The following MIDEAS variants were observed in gnomAD, a reference collection of about 807,000 sequenced individuals.
MIDEAS encodes mitotic deacetylase-associated SANT domain protein.
A neutral mutation model predicts 102.7 loss-of-function variants in MIDEAS; 26 were observed. The ratio of observed to expected loss-of-function variants is 0.25; its 90% CI spans 0.19 to 0.35. The LOEUF (loss-of-function observed/expected upper bound fraction) is 0.35. MIDEAS is among the 10% of genes least tolerant of loss of function. MIDEAS has a pLI of 1.00. For synonymous variants in MIDEAS, 585 were observed against 591.0 expected (o/e 0.99, Z 0.15); for missense variants, 1,231 against 1,435.6 (o/e 0.86, Z 2.30).
rs2053258874 is a variant in MIDEAS, at chr14:73,739,744, A to G, written c.265T>C (p.Ser89Pro). The G allele has an allele frequency of 6.2e-7, 1 of 1,613,694 alleles. No homozygotes were observed. The highest frequency in any genetic ancestry group is 2.2e-5 in the East Asian group (1 of 44,898). Residue 89 changes from serine (S) to proline (P), a missense_variant, in exon 2 of 13, where the codon TCC (serine) becomes CCC (proline). Physicochemically the swap from Ser to Pro is moderately conservative, Grantham distance 74. Around this residue, in one of 5 missense-constraint regions of MIDEAS, gnomAD observed 758 missense variants for 856.0 expected, o/e 0.89. Coordinates refer to ENST00000423556, the MANE Select transcript of MIDEAS (RefSeq NM_001367710.1). ...GPERTSAAMLSQQVASVKWPN... is the reference protein window; with the variant it reads ...GPERTSAAMLPQQVASVKWPN... The stretch of plus-strand genomic sequence containing the variant: ...CACTTTACTGAGGCCACCTGCTGGG[A>G]CAGCATGGCTGCTGAGGTCCGCTCA...
At position 73,719,500 on chromosome 14, in the gene MIDEAS, G is replaced by A. The variant is rs1187853210; in HGVS notation, c.2939C>T (p.Ala980Val). ...GCTCCGGAGGATGAGGATGTCACTG[G>A]CCTGAAGAAAATCAAACAAGGAGAG... ...ATQTLQANESASDILILRSHE... is the reference protein window; with the variant it reads ...ATQTLQANESVSDILILRSHE... The change falls in exon 12 of 13, where the codon GCC becomes GTC. Residue 980 changes from alanine (A) to valine (V), a missense_variant and splice_region_variant. By Grantham distance (64) the Ala-to-Val change is moderately conservative (BLOSUM62 0). Transcript: ENST00000423556. 5 of 1,612,992 alleles carry A rather than the reference G, an allele frequency of 3.1e-6. No individual in the cohort carries two copies. Among genetic ancestry groups the A allele is most frequent in the African/African-American group, 1.3e-5 (1 of 74,886 alleles).
At position 73,759,344 on chromosome 14, in the gene MIDEAS, C is replaced by T. The variant is rs1434523451; in HGVS notation, c.-248+419G>A. On this transcript the variant is annotated intron_variant, in intron 1 of 12. Transcript: ENST00000423556. This position sits in a 1 kb window ranked among gnomAD's most constrained non-coding sequence, Gnocchi z 6.7. ...CGTCACGTCAGCCGGTCCCCACGGA[C>T]ACCACGTTTCTCTCCAGCGGAGGAG... Among the ~76,000 whole-genome samples, 1 of 152,048 alleles carries T rather than the reference C, an allele frequency of 6.6e-6. No homozygotes were observed. Among genetic ancestry groups the T allele is most frequent in the Non-Finnish European group, 1.5e-5 (1 of 67,966 alleles).
chr14:73,734,931 A>C (rs556457846), intron 3 of MIDEAS, among the ~76,000 whole-genome samples: 1 of 152,350 alleles, frequency 6.6e-6, no homozygotes, highest in African/African-American at 2.4e-5. Flanking sequence ...TAACAAATCA[A>C]ATCAATCCAA....
intron 1 of MIDEAS, among the ~76,000 whole-genome samples, chr14:73,750,063 A>C (rs1388121444): frequency 6.6e-6 from 1 of 152,220 alleles, no homozygotes; most frequent in East Asian, 1.9e-4. Context: ...TTCCATGGCC[A>C]ATCTACAAAA....
chr14:73,760,798 C>T (rs2053547946), upstream of MIDEAS, among the ~76,000 whole-genome samples: 4 of 152,188 alleles, frequency 2.6e-5, no homozygotes, highest in South Asian at 6.2e-4. This position sits in a 1 kb window ranked among gnomAD's most constrained non-coding sequence, Gnocchi z 4.8. Context: ...ATCTCCATCG[C>T]TTAGGTGAGG....
intron 3 of MIDEAS, among the ~76,000 whole-genome samples, chr14:73,735,937 A>G (rs1488946948): frequency 6.6e-6 from 1 of 152,158 alleles, no homozygotes; most frequent in African/African-American, 2.4e-5. Context: ...CGGGCAGGTC[A>G]CTTGAGGTCA....
chr14:73,756,004 C>A (rs2053474747), intron 1 of MIDEAS, among the ~76,000 whole-genome samples: 1 of 152,116 alleles, frequency 6.6e-6, no homozygotes, highest in Admixed American at 6.5e-5. Context: ...AACTGAGGCC[C>A]AAGAAGTTAA....
rs1237143093 is a variant in MIDEAS, at chr14:73,715,464, TAC to T, written c.*3377_*3378del. The T allele has an allele frequency of 1.3e-5, 2 of 152,568 alleles. No homozygotes were observed. Among genetic ancestry groups the T allele is most frequent in the Non-Finnish European group, 2.9e-5 (2 of 68,020 alleles). 9.5% of individuals were successfully genotyped at this position (152,568 alleles called of 1,614,324 possible). ...GCTATTAAAATATCTGTACAATAAT[TAC>T]AGACTGTCAAGGCTGTTCCTGTGCT... On this transcript the variant is annotated 3_prime_UTR_variant, in exon 13 of 13. Transcript: ENST00000423556.
intron 1 of MIDEAS, among the ~76,000 whole-genome samples, chr14:73,743,247 C>G (rs1209733381): frequency 2.0e-5 from 3 of 152,200 alleles, no homozygotes; most frequent in African/African-American, 7.2e-5. Context: ...TTCTCATTGG[C>G]ACTGGGAAGC....
intron 3 of MIDEAS, among the ~76,000 whole-genome samples, chr14:73,731,169 T>C (rs145009746): frequency 5.3e-5 from 8 of 152,322 alleles, no homozygotes; most frequent in African/African-American, 9.6e-5. Context: ...CTTCCCTTGC[T>C]CGATTCCTAT....
chr14:73,723,625 T>C (rs959188212), intron 9 of MIDEAS: 1 of 152,254 alleles, frequency 6.6e-6, no homozygotes, highest in Admixed American at 6.5e-5. Flanking sequence ...TGTATATGTG[T>C]GTGTCTATGT....
chr14:73,729,873 G>A lies in MIDEAS; in HGVS notation c.1862C>T (p.Pro621Leu). ...TGGGGTGATGTTGGAGTAGACGGGA[G>A]GGGCGATGAAAGTGCCCGCCTTGGT... is the stretch of plus-strand genomic sequence containing the variant. ...IPTKAGTFIA[P>L]PVYSNITPYQ... The change falls in exon 4 of 13, where the codon CCT becomes CTT. Residue 621 changes from proline (P) to leucine (L), a missense_variant. Physicochemically the swap from Pro to Leu is moderately conservative, Grantham distance 98. This residue lies in a region of MIDEAS where 758 missense variants were observed against 856.0 expected (regional missense o/e 0.89). Transcript: ENST00000423556. The A allele has an allele frequency of 6.2e-7, 1 of 1,613,810 alleles. No homozygotes were observed. Among genetic ancestry groups the A allele is most frequent in the South Asian group, 1.1e-5 (1 of 91,078 alleles).
In MIDEAS at chr14:73,739,484, C is replaced by G; in HGVS notation, c.525G>C (p.Leu175=). ...GCATCATTGGTCGCACATAGCGGTC[C>G]AGCTGTGGGCCCCCCGCTTTCTCCC... ...LKREKAGGPQ[L]DRYVRPMMPQ... is the part of the protein sequence containing the mutation. The change falls in exon 2 of 13, where the codon CTG becomes CTC. Residue 175 remains leucine, a synonymous_variant. Coordinates refer to ENST00000423556, the MANE Select transcript of MIDEAS (RefSeq NM_001367710.1). 1 of 1,611,074 alleles carries G rather than the reference C, an allele frequency of 6.2e-7. No homozygotes were observed. The highest frequency in any genetic ancestry group is 8.5e-7 in the Non-Finnish European group (1 of 1,178,294).
At chr14:73,740,457 C>A (rs1250480029) in intron 1 of MIDEAS, among the ~76,000 whole-genome samples, 1 of 152,196 alleles carries the variant, frequency 6.6e-6, no homozygotes, top group Non-Finnish European at 1.5e-5. Context: ...GGAGAATCAG[C>A]TGCATCTCCC....
In MIDEAS at chr14:73,722,800, G is replaced by A. The variant is rs920233451; in HGVS notation, c.2622C>T (p.Tyr874=). 8.1e-6 allele frequency: 13 copies of A among 1,614,062 alleles called. No homozygotes were observed. The highest frequency in any genetic ancestry group is 1.0e-5 in the Non-Finnish European group (12 of 1,180,036). The stretch of plus-strand genomic sequence containing the variant: ...TGCGGCCGATTTTCACCTGCTTCTT[G>A]TAGGTGTAGTAGAACTCCACGCACT... ...VAQCVEFYYT[Y]KKQVKIGRNG... Residue 874 remains tyrosine (Y), a synonymous_variant, in exon 10 of 13, where the codon TAC becomes TAT. Transcript: ENST00000423556.
chr14:73,770,365 T>C (rs199903941), intron 1 of MIDEAS, among the ~76,000 whole-genome samples: 11 of 70,346 alleles, frequency 1.6e-4, no homozygotes, highest in East Asian at 3.5e-3. Context: ...ATGATGACGA[T>C]GATGATGATG....
Position 73,739,523 on chromosome 14 carries a change from A to G in MIDEAS, c.486T>C (p.Pro162=). 2 of 1,614,054 alleles carry G rather than the reference A, an allele frequency of 1.2e-6. No individual in the cohort carries two copies. Among genetic ancestry groups the G allele is most frequent in the South Asian group, 2.2e-5 (2 of 91,080 alleles). Residue 162 remains proline, a synonymous_variant, in exon 2 of 13, where the codon CCT becomes CCC. Coordinates refer to ENST00000423556, the MANE Select transcript of MIDEAS (RefSeq NM_001367710.1). ...GVGVPTYYNH[P]EALKREKAGG... ...CCGCTTTCTCCCGCTTCAGTGCCTC[A>G]GGGTGGTTATAGTAAGTCGGGACTC... is the stretch of plus-strand genomic sequence containing the variant.
chr14:73,786,898 G>C (rs866694164), intron 1 of MIDEAS, among the ~76,000 whole-genome samples: 8 of 151,804 alleles, frequency 5.3e-5, no homozygotes, highest in Middle Eastern at 3.4e-3. Flanking sequence ...GAAGTCCCGC[G>C]GCAAAGCGGC....
rs755334666 is a variant in MIDEAS at position 73,738,916 on chromosome 14, T to G, written c.1093A>C (p.Thr365Pro). 5 of 1,530,938 alleles carry G rather than the reference T, an allele frequency of 3.3e-6. No individual in the cohort carries two copies. Among genetic ancestry groups the G allele is most frequent in the Non-Finnish European group, 3.5e-6 (4 of 1,141,406 alleles). The allele number at this position is 1,530,938 out of a possible 1,614,324, so 94.8% of individuals were successfully genotyped here. A position where few individuals can be genotyped will look rare whatever the true frequency, so the allele number is the denominator to read the frequency against. Reference sequence around the variant, plus strand: ...CCAGTGGCCTCCTGCCCAGGCTGGGTGCCAGCCCCATCCAGGGCGCTGGGA... The same window carrying G: ...CCAGTGGCCTCCTGCCCAGGCTGGGGGCCAGCCCCATCCAGGGCGCTGGGA... The part of the protein sequence containing the change: ...LPPSALDGAG[T>P]QPGQEATGNL... Residue 365 changes from threonine (T) to proline (P), a missense_variant, in exon 2 of 13, where the codon ACC becomes CCC. Around this residue, in one of 5 missense-constraint regions of MIDEAS, gnomAD observed 758 missense variants for 856.0 expected, o/e 0.89. Coordinates refer to ENST00000423556, the MANE Select transcript of MIDEAS (RefSeq NM_001367710.1).
Sources: gnomAD v4.1 joint callset for allele counts (sites outside exome capture counted in the v4.1 genomes callset) on GRCh38, gnomAD v4.1.1 for gene constraint, gnomAD v4.1.1 regional missense constraint, Gnocchi (gnomAD v3.1) non-coding constraint, MANE v1.5 for transcripts, NCBI Gene and HGNC (gene_info 2026-07-23, HGNC 2026-07-21) for gene names.